ANO4: variants seen among roughly 807,000 people sequenced by gnomAD.
ANO4 encodes the protein anoctamin 4, also known as anoctamin-4.
A neutral mutation model predicts 141.9 loss-of-function variants in ANO4; 69 were observed. The ratio of observed to expected loss-of-function variants is 0.49; its 90% CI spans 0.40 to 0.59. The LOEUF (loss-of-function observed/expected upper bound fraction) is 0.59, where lower values mean the gene tolerates loss of function less well. Ranked by LOEUF, ANO4 falls within the 20% of genes least tolerant of loss-of-function variation. The pLI, the probability that ANO4 is intolerant of heterozygous loss-of-function variation, is 0.00. For synonymous variants in ANO4, 350 were observed against 394.3 expected, an observed-to-expected ratio of 0.89 and a Z score of 1.33; for missense variants, 894 against 1,162.2, an observed-to-expected ratio of 0.77 and a Z score of 3.36.
At chr12:101,002,598 C>T (rs516703) in intron 8 of ANO4, among the ~76,000 whole-genome samples, 23,232 of 152,204 alleles carry the variant, frequency 0.15, 2,107 homozygotes, top group East Asian at 0.24. Context: ...TCTTTCCTCT[C>T]ACTCTTTGGT....
At chr12:100,791,238 G>A (rs1410031089), upstream of ANO4, among the ~76,000 whole-genome samples, 1 of 152,044 alleles carries the variant, frequency 6.6e-6, no homozygotes, top group East Asian at 1.9e-4. Context: ...AATTAGCCGG[G>A]TGTGGTGGCA....
At chr12:100,873,815 G>A (rs2039153338) in intron 1 of ANO4, among the ~76,000 whole-genome samples, 1 of 152,214 alleles carries the variant, frequency 6.6e-6, no homozygotes, top group African/African-American at 2.4e-5. Flanking sequence ...TAATAGCCAA[G>A]ACAATGGGGA....
intron 21 of ANO4, 96 bp from the exon 22 acceptor site, chr12:101,099,481 TC>T (rs1239521631): frequency 8.0e-7 from 1 of 1,248,254 alleles, no homozygotes; most frequent in Non-Finnish European, 1.1e-6. Flanking sequence ...CTGAATTTTT[TC>T]AAACTATTGT....
intron 5 of ANO4, among the ~76,000 whole-genome samples, chr12:100,944,178 A>G (rs1175380399): frequency 6.6e-6 from 1 of 152,158 alleles, no homozygotes; most frequent in Non-Finnish European, 1.5e-5. Context: ...AATAGCGCAC[A>G]TTAAAGTGAT....
At chr12:100,756,665 CT>C (rs1035546949) in intron 3 of ANO4, among the ~76,000 whole-genome samples, 1 of 152,052 alleles carries the variant, frequency 6.6e-6, no homozygotes, top group Non-Finnish European at 1.5e-5. Context: ...GTTTTTTTCA[CT>C]TGTTTTCTCT....
intron 9 of ANO4, among the ~76,000 whole-genome samples, chr12:101,031,900 T>C (rs2046991619): frequency 6.6e-6 from 1 of 152,038 alleles, no homozygotes; most frequent in Admixed American, 6.6e-5. Context: ...TCTTCAAGGA[T>C]AACTACAAAC....
At position 100,844,451 on chromosome 12, in the gene ANO4, T is replaced by C; in HGVS notation, c.-141+49424T>C. Among the ~76,000 whole-genome samples, 3 of 152,228 alleles carry C rather than the reference T, an allele frequency of 2.0e-5. No individual in the cohort carries two copies. In the South Asian group the frequency reaches 6.2e-4, roughly 32 times the overall value. ...AAATAAATCTGACTGGATGTGAGGA[T>C]GCCAGTTAAGAGTCTGGTCCAGGAG... On this transcript the variant is annotated intron_variant, in intron 1 of 27. Coordinates refer to ENST00000392977, the MANE Select transcript of ANO4 (RefSeq NM_001286615.2).
At chr12:101,027,074 C>G (rs1008874183) in intron 9 of ANO4, among the ~76,000 whole-genome samples, 2 of 152,130 alleles carry the variant, frequency 1.3e-5, no homozygotes, top group Non-Finnish European at 2.9e-5. Flanking sequence ...TAGACTTGAT[C>G]CACAGAGAGG....
At chr12:100,979,282 G>A (rs1000281461) in intron 7 of ANO4, among the ~76,000 whole-genome samples, 1 of 152,126 alleles carries the variant, frequency 6.6e-6, no homozygotes, top group African/African-American at 2.4e-5. Context: ...TGGAGTGATG[G>A]TTCTCAAACA....
intron 3 of ANO4, among the ~76,000 whole-genome samples, chr12:100,761,867 G>A (rs2032871788): frequency 1.3e-5 from 2 of 152,070 alleles, no homozygotes; most frequent in African/African-American, 2.4e-5. Context: ...TAGTTTCTCA[G>A]CTGTTCTCTG....
intron 8 of ANO4, 129 bp downstream of exon 8, chr12:100,987,799 G>T (rs1010115289): frequency 1.5e-6 from 2 of 1,314,108 alleles, no homozygotes; most frequent in South Asian, 2.9e-5. Context: ...TAAAAGTCTT[G>T]TGAGTGTTCA....
intron 14 of ANO4, among the ~76,000 whole-genome samples, chr12:101,053,591 G>C (rs1317348298): frequency 1.3e-5 from 2 of 152,088 alleles, no homozygotes; most frequent in Admixed American, 6.6e-5. Flanking sequence ...TCCTATCTCT[G>C]CCTCTGTCTT....
chr12:100,826,261 G>T (rs1447499066), intron 1 of ANO4, among the ~76,000 whole-genome samples: 2 of 149,126 alleles, frequency 1.3e-5, no homozygotes, highest in African/African-American at 5.0e-5. Context: ...TTTAAAGACA[G>T]ATAAATAAAT....
At chr12:101,017,256 G>A (rs986247522) in intron 8 of ANO4, among the ~76,000 whole-genome samples, 1 of 152,116 alleles carries the variant, frequency 6.6e-6, no homozygotes, top group Non-Finnish European at 1.5e-5. Flanking sequence ...ATGTGCAGGG[G>A]AACTGCCCTG....
chr12:100,804,457 G>A (rs1360462679), intron 1 of ANO4, among the ~76,000 whole-genome samples: 1 of 152,136 alleles, frequency 6.6e-6, no homozygotes, highest in African/African-American at 2.4e-5. Flanking sequence ...ATTTCTTTGG[G>A]TATATACCCG....
chr12:101,072,106 T>C (rs2048838168), intron 14 of ANO4, among the ~76,000 whole-genome samples: 1 of 152,184 alleles, frequency 6.6e-6, no homozygotes, highest in African/African-American at 2.4e-5. Context: ...TGGTGTTTGA[T>C]AGAGCCCAGT....
At chr12:100,852,283 A>G (rs528697667) in intron 1 of ANO4, 2 of 152,332 alleles carry the variant, frequency 1.3e-5, no homozygotes, top group East Asian at 3.9e-4. Flanking sequence ...AGATGGATGT[A>G]GCAGTTCAGT....
chr12:100,949,248 C>T (rs2042872656), intron 5 of ANO4, among the ~76,000 whole-genome samples: 3 of 152,172 alleles, frequency 2.0e-5, no homozygotes, highest in African/African-American at 7.2e-5. Flanking sequence ...CCTCTAGAAA[C>T]TGTGAGATAA....
At chr12:100,829,276 C>G (rs1302167871) in intron 1 of ANO4, among the ~76,000 whole-genome samples, 6 of 152,062 alleles carry the variant, frequency 3.9e-5, no homozygotes, top group African/African-American at 1.2e-4. Context: ...TACTTTTTAT[C>G]TCTCAATCCT....
Sources: gnomAD v4.1 joint callset for allele counts (sites outside exome capture counted in the v4.1 genomes callset) on GRCh38, gnomAD v4.1.1 for gene constraint, MANE v1.5 for transcripts, NCBI Gene and HGNC (gene_info 2026-07-23, HGNC 2026-07-21) for gene names.